VPS33B: variants seen among roughly 807,000 people sequenced by gnomAD.
VPS33B encodes VPS33B late endosome and lysosome associated.
A neutral mutation model predicts 95.3 loss-of-function variants in VPS33B; 80 were observed. The observed-to-expected ratio is 0.84, with a 90% CI of 0.70 to 1.01. VPS33B has a LOEUF of 1.01. Ranked by LOEUF, VPS33B falls within the 50% of genes least tolerant of loss-of-function variation. The pLI, the probability that VPS33B is intolerant of heterozygous loss-of-function variation, is 0.00. For missense variants in VPS33B, 715 were observed against 773.4 expected, an observed-to-expected ratio of 0.92 and a Z score of 0.90; for synonymous variants, 280 against 280.4, an observed-to-expected ratio of 1.00 and a Z score of 0.01.
chr15:91,017,339 A>G (rs1397877591), intron 2 of VPS33B, among the ~76,000 whole-genome samples: 1 of 118,144 alleles, frequency 8.5e-6, no homozygotes, highest in East Asian at 2.6e-4. Context: ...CCTGGGTAAC[A>G]TAACAAGACT....
In VPS33B at chr15:91,007,706, A is replaced by C; in HGVS notation, c.499-133T>G. 1 of 1,191,350 alleles carries C rather than the reference A, an allele frequency of 8.4e-7. No individual in the cohort carries two copies. Among genetic ancestry groups the C allele is most frequent in the Non-Finnish European group, 1.2e-6 (1 of 801,448 alleles). 73.8% of individuals were successfully genotyped at this position (1,191,350 alleles called of 1,614,324 possible). A position where few individuals can be genotyped will look rare whatever the true frequency, so the allele number is the denominator to read the frequency against. The stretch of plus-strand genomic sequence containing the variant: ...CTTGAAAGGTTTTCATTGGCTCCAC[A>C]GGAAGTCCCACAGAGACCAATCTGT... On this transcript the variant is annotated intron_variant, in intron 7 of 22. Coordinates refer to ENST00000333371, the MANE Select transcript of VPS33B (RefSeq NM_018668.5). The surrounding 1 kb of genome is among the most constrained non-coding windows in gnomAD (Gnocchi z 5.3).
In VPS33B at chr15:91,015,122, G is replaced by A. The variant is rs188166416; in HGVS notation, c.240-689C>T. ...AGGCAGAGGCGGGTGGATCACCTGA[G>A]GTCAGGAGTTTGAGACCAGCCCAGC... On this transcript the variant is annotated intron_variant, in intron 3 of 22. Coordinates refer to ENST00000333371, the MANE Select transcript of VPS33B (RefSeq NM_018668.5). The surrounding 1 kb of genome is among the most constrained non-coding windows in gnomAD (Gnocchi z 4.7). Among the ~76,000 whole-genome samples, 889 of 150,652 alleles carry A rather than the reference G, an allele frequency of 5.9e-3. 20 individuals carry two copies. The highest frequency in any genetic ancestry group is 0.021 in the African/African-American group (840 of 40,676).
rs923782920 is a variant in VPS33B, at chr15:91,005,532, C to T, written c.1031-78G>A. ...CTTTATTGTCCGGAAGAATAAAAAA[C>T]CTCCTAAGGCAAAATCCGAAAGCAC... On this transcript the variant is annotated intron_variant, in intron 13 of 22. Coordinates refer to ENST00000333371, the MANE Select transcript of VPS33B (RefSeq NM_018668.5). The surrounding 1 kb of genome is among the most constrained non-coding windows in gnomAD (Gnocchi z 6.4). The T allele has an allele frequency of 1.9e-5, 31 of 1,605,026 alleles. No individual in the cohort carries two copies. The highest frequency in any genetic ancestry group is 8.3e-5 in the Admixed American group (5 of 59,948).
chr15:91,008,119 T>G (rs1259526216), intron 6 of VPS33B, among the ~76,000 whole-genome samples, 155 bp from the exon 7 acceptor site: 2 of 152,128 alleles, frequency 1.3e-5, no homozygotes, highest in Non-Finnish European at 2.9e-5. Context: ...CAAAGAAGAA[T>G]AAGACACAGT....
chr15:91,006,581 G>T lies in VPS33B; in HGVS notation c.778+71C>A, dbSNP rs1000291058. 2 of 1,608,176 alleles carry T rather than the reference G, an allele frequency of 1.2e-6. No individual in the cohort carries two copies. Among genetic ancestry groups the T allele is most frequent in the African/African-American group, 2.7e-5 (2 of 74,778 alleles). ...GGTCTGGGTCTCTCCCACAAACCCT[G>T]CCCCACGTGGGAGGTGCCAAGGCTG... On this transcript the variant is annotated intron_variant, in intron 10 of 22. Coordinates refer to ENST00000333371, the MANE Select transcript of VPS33B (RefSeq NM_018668.5). The surrounding 1 kb of genome is among the most constrained non-coding windows in gnomAD (Gnocchi z 5.4).
In VPS33B at chr15:91,017,365, T is replaced by TAAAAAAAA. The variant is rs1272281030; in HGVS notation, c.178-342_178-341insTTTTTTTT. Among the ~76,000 whole-genome samples the TAAAAAAAA allele has an allele frequency of 1.9e-3, 32 of 17,002 alleles. 7 individuals are homozygous for TAAAAAAAA. The highest frequency in any genetic ancestry group is 8.6e-3 in the African/African-American group (20 of 2,316). 11.2% of individuals were successfully genotyped at this position (17,002 alleles called of 152,430 possible). A position where few individuals can be genotyped will look rare whatever the true frequency, so the allele number is the denominator to read the frequency against. On this transcript the variant is annotated intron_variant, in intron 2 of 22. Transcript: ENST00000333371. ...TAACAAGACTCCATCTCTACAAAAT[T>TAAAAAAAA]AAATATATATATATATATATATATA...
chr15:91,009,192 A>C lies in VPS33B; in HGVS notation c.403+609T>G, dbSNP rs2040703682. Among the ~76,000 whole-genome samples the C allele has an allele frequency of 6.6e-6, 1 of 152,096 alleles. No individual in the cohort carries two copies. On this transcript the variant is annotated intron_variant, in intron 6 of 22. Transcript: ENST00000333371. The surrounding 1 kb of genome is among the most constrained non-coding windows in gnomAD (Gnocchi z 4.1). ...GAGTGGCTGGTCATTTCCAACTCTA[A>C]GCCCTGGTGTTCCTTTCATACTACC... is the stretch of plus-strand genomic sequence containing the variant.
In VPS33B at chr15:91,016,969, T is replaced by C. The variant is rs376015173; in HGVS notation, c.233A>G (p.Asn78Ser). The C allele has an allele frequency of 1.2e-6, 2 of 1,613,986 alleles. No individual in the cohort carries two copies. The highest frequency in any genetic ancestry group is 8.5e-7 in the Non-Finnish European group (1 of 1,179,954). Residue 78 changes from asparagine (N) to serine (S), a missense_variant, in exon 3 of 23, where the codon AAT becomes AGT. By Grantham distance (46) the Asn-to-Ser change is conservative (BLOSUM62 1). Coordinates refer to ENST00000333371, the MANE Select transcript of VPS33B (RefSeq NM_018668.5). ...KVENKPALSS[N>S]EQLCFLVRPR... ...GACTCTCCCAGACACTCACTGTTCA[T>C]TGGAGCTGAGGGCTGGCTTGTTCTC...
chr15:91,002,270 G>GA lies in VPS33B; in HGVS notation c.1273-89dup. The GA allele has an allele frequency of 1.9e-6, 3 of 1,553,390 alleles. No homozygotes were observed. Among genetic ancestry groups the GA allele is most frequent in the Non-Finnish European group, 2.6e-6 (3 of 1,137,046 alleles). ...CTACAGAGTTGAGCAGAAGGACTAT[G>GA]AAGCCTCTGCTGCAGTGTGAAGGAG... On this transcript the variant is annotated intron_variant, in intron 17 of 22. Transcript: ENST00000333371. This position sits in a 1 kb window ranked among gnomAD's most constrained non-coding sequence, Gnocchi z 4.7.
rs746964381 is a variant in VPS33B, at chr15:91,000,633, C to G, written c.1480-42G>C. The G allele has an allele frequency of 1.3e-6, 2 of 1,566,476 alleles. No individual in the cohort carries two copies. Among genetic ancestry groups the G allele is most frequent in the Non-Finnish European group, 1.8e-6 (2 of 1,141,508 alleles). On this transcript the variant is annotated intron_variant, in intron 19 of 22. Transcript: ENST00000333371. The surrounding 1 kb of genome is among the most constrained non-coding windows in gnomAD (Gnocchi z 4.9). ...CTTCATTAGGCAAGTGACAGCTCAG[C>G]TCCCTAACCCTTTAAAGGGTCAGAT...
At position 91,007,146 on chromosome 15, in the gene VPS33B, C is replaced by G. The variant is rs531690341; in HGVS notation, c.604-100G>C. On this transcript the variant is annotated intron_variant, in intron 8 of 22. Transcript: ENST00000333371. The surrounding 1 kb of genome is among the most constrained non-coding windows in gnomAD (Gnocchi z 5.3). ...TTTCCACGTGATACTTCCTCTTGTC[C>G]CCGAGACAGGAGCTAATTATTCACA... is the stretch of plus-strand genomic sequence containing the variant. The G allele has an allele frequency of 7.7e-6, 10 of 1,293,872 alleles. No homozygotes were observed. In the East Asian group the frequency reaches 2.1e-4, roughly 27 times the overall value. The allele number at this position is 1,293,872 out of a possible 1,614,324, so 80.1% of individuals were successfully genotyped here. A position where few individuals can be genotyped will look rare whatever the true frequency, so the allele number is the denominator to read the frequency against.
Position 91,005,490 on chromosome 15 carries a change from G to T in VPS33B, c.1031-36C>A. ...GACAAAGGGAGCTGACATACTCCTG[G>T]TTCTAGAAAGATGTCCCTTTATTGT... On this transcript the variant is annotated intron_variant, in intron 13 of 22. Coordinates refer to ENST00000333371, the MANE Select transcript of VPS33B (RefSeq NM_018668.5). This position sits in a 1 kb window ranked among gnomAD's most constrained non-coding sequence, Gnocchi z 6.4. 1 of 1,612,988 alleles carries T rather than the reference G, an allele frequency of 6.2e-7. No individual in the cohort carries two copies. Among genetic ancestry groups the T allele is most frequent in the Non-Finnish European group, 8.5e-7 (1 of 1,179,160 alleles).
Position 91,003,876 on chromosome 15 carries a change from G to T in VPS33B, c.1226-745C>A, listed in dbSNP as rs534020794. Among the ~76,000 whole-genome samples the T allele has an allele frequency of 2.6e-5, 4 of 152,248 alleles. No homozygotes were observed. The South Asian group carries it at 8.3e-4, about 32-fold the overall frequency. ...TTCTCCATAGAGGTAATAATAACTGGGATTCTAACTGCAGTAAATGAGATT... is the reference window on the plus strand; with the variant it reads ...TTCTCCATAGAGGTAATAATAACTGTGATTCTAACTGCAGTAAATGAGATT... On this transcript the variant is annotated intron_variant, in intron 16 of 22. Transcript: ENST00000333371.
chr15:90,998,948 A>C lies in VPS33B; in HGVS notation c.*27T>G. 1 of 1,613,022 alleles carries C rather than the reference A, an allele frequency of 6.2e-7. No homozygotes were observed. ...TCTCACTGAGGAATGTGTTCAGGGA[A>C]GATGTCAACACTGGCCGGGAAAAAC... On this transcript the variant is annotated 3_prime_UTR_variant, in exon 23 of 23. Coordinates refer to ENST00000333371, the MANE Select transcript of VPS33B (RefSeq NM_018668.5). This position sits in a 1 kb window ranked among gnomAD's most constrained non-coding sequence, Gnocchi z 4.8.
At position 91,011,250 on chromosome 15, in the gene VPS33B, A is replaced by T. The variant is rs2040771881; in HGVS notation, c.358-1404T>A. On this transcript the variant is annotated intron_variant, in intron 5 of 22. Transcript: ENST00000333371. The surrounding 1 kb of genome is among the most constrained non-coding windows in gnomAD (Gnocchi z 5.5). ...TCACATCTGATAATGAGTTGACATT[A>T]TTAACAGCTAATGTTGTAAGCCCTT... Among the ~76,000 whole-genome samples the T allele has an allele frequency of 6.6e-6, 1 of 152,270 alleles. No individual in the cohort carries two copies. Among genetic ancestry groups the T allele is most frequent in the Non-Finnish European group, 1.5e-5 (1 of 68,048 alleles).
rs1397672774 is a variant in VPS33B at position 91,009,494 on chromosome 15, A to C, written c.403+307T>G. 6.6e-6 allele frequency among the ~76,000 whole-genome samples: 1 copy of C among 151,826 alleles called. No individual in the cohort carries two copies. The highest frequency in any genetic ancestry group is 2.4e-5 in the African/African-American group (1 of 41,288). On this transcript the variant is annotated intron_variant, in intron 6 of 22. Transcript: ENST00000333371. The surrounding 1 kb of genome is among the most constrained non-coding windows in gnomAD (Gnocchi z 4.1). The stretch of plus-strand genomic sequence containing the variant: ...GCTAATTATTGTATTTTTAGTAGAG[A>C]TGGGGTTTCACCATGTTGCCCAGGC...
chr15:91,007,479 C>T lies in VPS33B; in HGVS notation c.593G>A (p.Arg198Lys), dbSNP rs1056559794. The T allele has an allele frequency of 3.1e-6, 5 of 1,614,100 alleles. No individual in the cohort carries two copies. In the African/African-American group the frequency reaches 6.7e-5, roughly 22 times the overall value. The change falls in exon 8 of 23, where the codon AGG (arginine) becomes AAG (lysine). Residue 198 changes from arginine (R) to lysine (K), a missense_variant. Arg to Lys is a conservative substitution (Grantham distance 26, BLOSUM62 2). Transcript: ENST00000333371. This position sits in a 1 kb window ranked among gnomAD's most constrained non-coding sequence, Gnocchi z 5.3. ...TGCTAGTGCTCTTACCTTGGCGCAC[C>T]TGCCAATTCCATAGCAGTTTGGAAA... ...GPFPNCYGIGRCAKMAYELWR... is the reference protein window; with the variant it reads ...GPFPNCYGIGKCAKMAYELWR...
rs2040994481 is a variant in VPS33B, at chr15:91,018,051, C to T, written c.97-166G>A. 1.5e-6 allele frequency: 1 copy of T among 686,230 alleles called. No homozygotes were observed. The highest frequency in any genetic ancestry group is 1.6e-5 in the South Asian group (1 of 64,202). The allele number at this position is 686,230 out of a possible 1,614,324, so 42.5% of individuals were successfully genotyped here. On this transcript the variant is annotated intron_variant, in intron 1 of 22. Coordinates refer to ENST00000333371, the MANE Select transcript of VPS33B (RefSeq NM_018668.5). The surrounding 1 kb of genome is among the most constrained non-coding windows in gnomAD (Gnocchi z 4.7). ...TTATCTGTATCCACAGTTGACACTT[C>T]TCTGTATATTTACCTATTTTGCCTT...
At position 91,017,004 on chromosome 15, in the gene VPS33B, T is replaced by C. The variant is rs1416595652; in HGVS notation, c.198A>G (p.Leu66=). The C allele has an allele frequency of 1.1e-5, 17 of 1,613,872 alleles. No individual in the cohort carries two copies. Among genetic ancestry groups the C allele is most frequent in the Non-Finnish European group, 1.4e-5 (16 of 1,179,980 alleles). ...SILKQHEVDK[L]YKVENKPALS... is the part of the protein sequence containing the mutation. Reference sequence around the variant, plus strand: ...GGGCTGGCTTGTTCTCCACCTTGTATAGCTTGTCTACTTCGTGTTGCTACA... The same window carrying C: ...GGGCTGGCTTGTTCTCCACCTTGTACAGCTTGTCTACTTCGTGTTGCTACA... The change falls in exon 3 of 23, where the codon CTA becomes CTG. Residue 66 remains leucine (L), a synonymous_variant. Transcript: ENST00000333371.
Sources: gnomAD v4.1 joint callset for allele counts (sites outside exome capture counted in the v4.1 genomes callset) on GRCh38, gnomAD v4.1.1 for gene constraint, Gnocchi (gnomAD v3.1) non-coding constraint, MANE v1.5 for transcripts, NCBI Gene and HGNC (gene_info 2026-07-23, HGNC 2026-07-21) for gene names.